The following CHSY3 variants were observed in gnomAD, a reference collection of about 807,000 sequenced individuals.
The protein encoded by CHSY3 is N-acetylgalactosaminyl-proteoglycan 3-beta-glucuronosyltransferase 3.
A neutral mutation model predicts 67.2 loss-of-function variants in CHSY3; 35 were observed. That is an observed-to-expected ratio of 0.52 (90% CI 0.40 to 0.69). The LOEUF (loss-of-function observed/expected upper bound fraction) is 0.69. Ranked by LOEUF, CHSY3 falls within the 30% of genes least tolerant of loss-of-function variation. The probability of loss-of-function intolerance (pLI) is 0.00; values close to 1 mark genes in which losing one functional copy is unlikely to be tolerated. For missense variants in CHSY3, 1,069 were observed against 1,138.5 expected (o/e 0.94, Z 0.88); for synonymous variants, 474 against 434.7 (o/e 1.09, Z -1.12).
At chr5:129,956,154 G>A (rs6860008) in intron 2 of CHSY3, among the ~76,000 whole-genome samples, 143,527 of 152,238 alleles carry the variant, frequency 0.94, 67,760 homozygotes, top group East Asian at 1. Context: ...TTACACTCCC[G>A]CCAACAGTGT....
At chr5:130,130,094 T>A (rs1768431218) in intron 2 of CHSY3, among the ~76,000 whole-genome samples, 1 of 152,142 alleles carries the variant, frequency 6.6e-6, no homozygotes. Context: ...TTTTGTAAAC[T>A]GTTTATTCTA....
chr5:130,074,709 A>G (rs542361836), intron 2 of CHSY3, among the ~76,000 whole-genome samples: 1 of 152,298 alleles, frequency 6.6e-6, no homozygotes, highest in East Asian at 1.9e-4. Context: ...AGATTATAAG[A>G]CTGTTCATTC....
chr5:129,912,987 G>T (rs905992479), intron 2 of CHSY3, among the ~76,000 whole-genome samples: 1 of 152,172 alleles, frequency 6.6e-6, no homozygotes, highest in Admixed American at 6.5e-5. Context: ...TATTCACTCT[G>T]CAAGTGTTAG....
At chr5:130,063,435 G>A (rs931338911) in intron 2 of CHSY3, among the ~76,000 whole-genome samples, 2 of 152,074 alleles carry the variant, frequency 1.3e-5, no homozygotes, top group African/African-American at 4.8e-5. Context: ...TTTCGTTGTT[G>A]TGACATCTCA....
intron 2 of CHSY3, among the ~76,000 whole-genome samples, chr5:130,148,152 T>G (rs1472685952): frequency 6.6e-6 from 1 of 152,190 alleles, no homozygotes; most frequent in African/African-American, 2.4e-5. Context: ...CATGTGTTAT[T>G]TGGTTTTCTG....
chr5:130,068,407 C>T (rs1248759338), intron 2 of CHSY3, among the ~76,000 whole-genome samples: 1 of 152,104 alleles, frequency 6.6e-6, no homozygotes, highest in Non-Finnish European at 1.5e-5. Context: ...TTCAGTTGTG[C>T]TGATTTCCTG....
intron 2 of CHSY3, among the ~76,000 whole-genome samples, chr5:129,920,454 C>G (rs1158281053): frequency 6.6e-6 from 1 of 152,164 alleles, no homozygotes; most frequent in African/African-American, 2.4e-5. Flanking sequence ...CCATGTTGGC[C>G]AGACTGGTCT....
At chr5:130,076,938 G>A (rs1766281415) in intron 2 of CHSY3, among the ~76,000 whole-genome samples, 1 of 148,326 alleles carries the variant, frequency 6.7e-6, no homozygotes, top group Non-Finnish European at 1.5e-5. Context: ...CACACTCTGG[G>A]GACTGTTGTG....
chr5:129,939,488 C>G (rs2149593641), intron 2 of CHSY3, among the ~76,000 whole-genome samples: 1 of 152,284 alleles, frequency 6.6e-6, no homozygotes, highest in African/African-American at 2.4e-5. Flanking sequence ...TCATTTATTT[C>G]CTTCAAGTGC....
chr5:130,089,570 A>G (rs967166962), intron 2 of CHSY3, among the ~76,000 whole-genome samples: 11 of 152,060 alleles, frequency 7.2e-5, no homozygotes, highest in Non-Finnish European at 1.5e-4. Context: ...CATCAGATCT[A>G]TTTGTGACAG....
At chr5:129,980,650 TATTG>T (rs1415818988) in intron 2 of CHSY3, among the ~76,000 whole-genome samples, 1 of 152,232 alleles carries the variant, frequency 6.6e-6, no homozygotes, top group Non-Finnish European at 1.5e-5. Flanking sequence ...TGATCTCTTT[TATTG>T]ATTGTGTCTC....
In CHSY3 at chr5:129,904,646, C is replaced by G. The variant is rs1760160526; in HGVS notation, c.-184C>G. The G allele has an allele frequency of 3.1e-6, 3 of 965,198 alleles. No homozygotes were observed. Among genetic ancestry groups the G allele is most frequent in the Non-Finnish European group, 4.0e-6 (3 of 754,448 alleles). The allele number at this position is 965,198 out of a possible 1,614,324, so 59.8% of individuals were successfully genotyped here. On this transcript the variant is annotated 5_prime_UTR_variant, in exon 1 of 3. Coordinates refer to ENST00000305031, the MANE Select transcript of CHSY3 (RefSeq NM_175856.5). ...CAGAGCTGAGCGGGAGCCCGGCAGG[C>G]AGCTGCAGCCCGCGGCAGTCGAGGC...
At chr5:130,156,726 A>G (rs1167966936) in intron 2 of CHSY3, among the ~76,000 whole-genome samples, 3 of 152,252 alleles carry the variant, frequency 2.0e-5, no homozygotes, top group Non-Finnish European at 2.9e-5. Context: ...ATTGATTAAT[A>G]CATGGACTAG....
intron 2 of CHSY3, among the ~76,000 whole-genome samples, chr5:130,035,232 A>G (rs1764831424): frequency 6.6e-6 from 1 of 152,036 alleles, no homozygotes; most frequent in Admixed American, 6.6e-5. Context: ...TTGGGCCAGG[A>G]TAATTACAGG....
At chr5:129,924,604 C>A (rs1171153369) in intron 2 of CHSY3, among the ~76,000 whole-genome samples, 1 of 150,206 alleles carries the variant, frequency 6.7e-6, no homozygotes, top group Non-Finnish European at 1.5e-5. Flanking sequence ...CGAGATCATG[C>A]CACTGCACTC....
intron 2 of CHSY3, among the ~76,000 whole-genome samples, chr5:130,107,296 C>T (rs1561539728): frequency 6.6e-6 from 1 of 151,126 alleles, no homozygotes; most frequent in East Asian, 1.9e-4. Flanking sequence ...TTCTCCTGAC[C>T]TTCTTCACAA....
intron 2 of CHSY3, among the ~76,000 whole-genome samples, chr5:130,091,776 G>A (rs1766888656): frequency 6.6e-6 from 1 of 152,116 alleles, no homozygotes; most frequent in South Asian, 2.1e-4. Context: ...CACTCAAAAA[G>A]CACTTCAGGA....
In CHSY3 at chr5:129,935,203, A is replaced by G. The variant is rs564311842; in HGVS notation, c.1086+26843A>G. On this transcript the variant is annotated intron_variant, in intron 2 of 2. Coordinates refer to ENST00000305031, the MANE Select transcript of CHSY3 (RefSeq NM_175856.5). ...GTTTTGAGCAGTCCCTTTAGTGTTTAAATAACCTCTCTTTCTGATCACAAA... is the reference window on the plus strand; with the variant it reads ...GTTTTGAGCAGTCCCTTTAGTGTTTGAATAACCTCTCTTTCTGATCACAAA... Among the ~76,000 whole-genome samples the G allele has an allele frequency of 7.2e-5, 11 of 152,320 alleles. No homozygotes were observed. The East Asian group carries it at 1.5e-3, about 21-fold the overall frequency.
At chr5:130,177,897 C>G (rs929266501) in intron 2 of CHSY3, among the ~76,000 whole-genome samples, 2 of 151,982 alleles carry the variant, frequency 1.3e-5, no homozygotes, top group Non-Finnish European at 2.9e-5. Context: ...GATATTGGAT[C>G]TCCTGAACTG....
Sources: gnomAD v4.1 joint callset for allele counts (sites outside exome capture counted in the v4.1 genomes callset) on GRCh38, gnomAD v4.1.1 for gene constraint, MANE v1.5 for transcripts, NCBI Gene and HGNC (gene_info 2026-07-23, HGNC 2026-07-21) for gene names.